OLFM2: variants seen among roughly 807,000 people sequenced by gnomAD.
The protein encoded by OLFM2 is noelin-2.
A neutral mutation model predicts 43.9 loss-of-function variants in OLFM2; 20 were observed. That is an observed-to-expected ratio of 0.46 (90% CI 0.32 to 0.66). The LOEUF is 0.66. Among genes scored for constraint, OLFM2 ranks in the 30% least tolerant of loss-of-function variants. The pLI is 0.04. For synonymous variants in OLFM2, 268 were observed against 278.6 expected (o/e 0.96, Z 0.38); for missense variants, 416 against 643.6 (o/e 0.65, Z 3.83).
At position 9,856,997 on chromosome 19, in the gene OLFM2, G is replaced by T. The variant is rs2046324386; in HGVS notation, c.581-84C>A. On this transcript the variant is annotated intron_variant, in intron 4 of 5. Coordinates refer to ENST00000264833, the MANE Select transcript of OLFM2 (RefSeq NM_058164.4). The surrounding 1 kb of genome is among the most constrained non-coding windows in gnomAD (Gnocchi z 4.0). ...GGCAAAGATGAAGTGCTGTGATCAA[G>T]TTGGGAAAGCTGGGACCAGGGATGA... is the stretch of plus-strand genomic sequence containing the variant. 8.4e-7 allele frequency: 1 copy of T among 1,196,826 alleles called. No individual in the cohort carries two copies. The highest frequency in any genetic ancestry group is 1.5e-5 in the African/African-American group (1 of 66,434). 74.1% of individuals were successfully genotyped at this position (1,196,826 alleles called of 1,614,324 possible). A position where few individuals can be genotyped will look rare whatever the true frequency, so the allele number is the denominator to read the frequency against.
chr19:9,913,692 T>C, intron 1 of OLFM2: 1 of 1,066,788 alleles, frequency 9.4e-7, no homozygotes, highest in East Asian at 7.4e-5. Context: ...GCTCGGTCCC[T>C]CGACACCCAG....
chr19:9,877,479 G>A (rs1319864862), intron 1 of OLFM2, among the ~76,000 whole-genome samples: 1 of 151,980 alleles, frequency 6.6e-6, no homozygotes, highest in Non-Finnish European at 1.5e-5. Context: ...GTTGCGGTGA[G>A]CCAAGATTGT....
chr19:9,858,513 T>G (rs2046341768), intron 2 of OLFM2, among the ~76,000 whole-genome samples: 1 of 152,176 alleles, frequency 6.6e-6, no homozygotes, highest in African/African-American at 2.4e-5. Flanking sequence ...TCTGCCTCCT[T>G]CAGGTGGGAC....
chr19:9,855,042 C>T (rs2046304695), intron 5 of OLFM2, among the ~76,000 whole-genome samples, 179 bp from the exon 6 acceptor site: 1 of 152,114 alleles, frequency 6.6e-6, no homozygotes, highest in Non-Finnish European at 1.5e-5. Flanking sequence ...CTGGTGACAG[C>T]ATTAACCATG....
intron 1 of OLFM2, among the ~76,000 whole-genome samples, chr19:9,876,039 C>G (rs2046484741): frequency 6.6e-6 from 1 of 152,004 alleles, no homozygotes; most frequent in African/African-American, 2.4e-5. Context: ...GAGGTCATCT[C>G]CCCGCCACCG....
At position 9,857,047 on chromosome 19, in the gene OLFM2, A is replaced by G; in HGVS notation, c.581-134T>C. The G allele has an allele frequency of 4.6e-6, 4 of 871,368 alleles. No homozygotes were observed. Among genetic ancestry groups the G allele is most frequent in the Non-Finnish European group, 7.4e-6 (4 of 543,540 alleles). The allele number at this position is 871,368 out of a possible 1,614,324, so 54.0% of individuals were successfully genotyped here. A position where few individuals can be genotyped will look rare whatever the true frequency, so the allele number is the denominator to read the frequency against. On this transcript the variant is annotated intron_variant, in intron 4 of 5. Coordinates refer to ENST00000264833, the MANE Select transcript of OLFM2 (RefSeq NM_058164.4). The surrounding 1 kb of genome is among the most constrained non-coding windows in gnomAD (Gnocchi z 5.7). ...AGGGAAGACTCAAAAATCTGGTCCC[A>G]ATATGTTGTTCAGTTGTGAGTGAGG...
intron 1 of OLFM2, among the ~76,000 whole-genome samples, chr19:9,893,532 C>CG (rs71188853): frequency 6.6e-6 from 1 of 152,122 alleles, no homozygotes; most frequent in Non-Finnish European, 1.5e-5. Flanking sequence ...GTGAACCCCC[C>CG]GTCTTGGAAC....
intron 1 of OLFM2, among the ~76,000 whole-genome samples, chr19:9,885,076 G>T (rs765753381): frequency 2.0e-5 from 3 of 152,150 alleles, no homozygotes; most frequent in African/African-American, 7.2e-5. Flanking sequence ...CATGGACCCT[G>T]GAGGCCGACA....
At chr19:9,876,194 C>T (rs2046486048) in intron 1 of OLFM2, among the ~76,000 whole-genome samples, 1 of 152,212 alleles carries the variant, frequency 6.6e-6, no homozygotes, top group Non-Finnish European at 1.5e-5. Context: ...AAATTTGCAG[C>T]CATCAGCGCC....
intron 1 of OLFM2, among the ~76,000 whole-genome samples, chr19:9,896,262 G>C (rs571414991): frequency 6.6e-6 from 1 of 151,392 alleles, no homozygotes; most frequent in African/African-American, 2.4e-5. Context: ...CACCACGCCC[G>C]ACTAATTTTT....
At chr19:9,917,238 A>G (rs1304670531) in intron 1 of OLFM2, among the ~76,000 whole-genome samples, 1 of 152,118 alleles carries the variant, frequency 6.6e-6, no homozygotes, top group African/African-American at 2.4e-5. Flanking sequence ...CAGTGGTTCA[A>G]TCATAGCTCA....
intron 1 of OLFM2, among the ~76,000 whole-genome samples, chr19:9,865,939 CAG>C (rs1485680566): frequency 1.3e-5 from 2 of 152,036 alleles, no homozygotes; most frequent in African/African-American, 2.4e-5. Flanking sequence ...ATCTTTTGTG[CAG>C]AGACAAAGCC....
In OLFM2 at chr19:9,860,671, G is replaced by T; in HGVS notation, c.187C>A (p.Arg63=). The T allele has an allele frequency of 6.3e-7, 1 of 1,594,724 alleles. No individual in the cohort carries two copies. Among genetic ancestry groups the T allele is most frequent in the Admixed American group, 1.7e-5 (1 of 57,176 alleles). Residue 63 remains arginine (R), a synonymous_variant, in exon 2 of 6, where the codon CGG becomes AGG. Transcript: ENST00000264833. ...TTCTCCATCAGTTGCCGCAGCTCCC[G>T]ACTCCTGCCATCTCGAGAGCAGGTA... is the stretch of plus-strand genomic sequence containing the variant. ...QSTCSRDGRS[R]ELRQLMEKVQ...
intron 1 of OLFM2, among the ~76,000 whole-genome samples, chr19:9,910,829 A>C (rs1421514208): frequency 1.3e-5 from 2 of 152,142 alleles, no homozygotes; most frequent in Admixed American, 1.3e-4. Context: ...GAAAGGATGG[A>C]TGTACAGATG....
chr19:9,874,328 CT>C lies in OLFM2; in HGVS notation c.64-13535del, dbSNP rs35985373. ...GAGTTTTGGAGAATGCCCCACTGGC[CT>C]TTTTTTTTTTTTTTTTAAGAGAGAT... On this transcript the variant is annotated intron_variant, in intron 1 of 5. Coordinates refer to ENST00000264833, the MANE Select transcript of OLFM2 (RefSeq NM_058164.4). Among the ~76,000 whole-genome samples, 5 of 120,218 alleles carry C rather than the reference CT, an allele frequency of 4.2e-5. No homozygotes were observed. In the East Asian group the frequency reaches 7.2e-4, roughly 17 times the overall value. 78.9% of individuals were successfully genotyped at this position (120,218 alleles called of 152,430 possible).
At chr19:9,887,464 C>T (rs1166847335) in intron 1 of OLFM2, among the ~76,000 whole-genome samples, 1 of 152,186 alleles carries the variant, frequency 6.6e-6, no homozygotes, top group African/African-American at 2.4e-5. Context: ...CAGGCATGAA[C>T]CACCGCACCG....
At chr19:9,898,771 C>G (rs1177579231) in intron 1 of OLFM2, among the ~76,000 whole-genome samples, 1 of 152,170 alleles carries the variant, frequency 6.6e-6, no homozygotes, top group Non-Finnish European at 1.5e-5. Context: ...GATCCATCAG[C>G]AAGTGCTGAC....
At chr19:9,914,136 A>G (rs113116532) in intron 1 of OLFM2, among the ~76,000 whole-genome samples, 1 of 150,046 alleles carries the variant, frequency 6.7e-6, no homozygotes, top group Non-Finnish European at 1.5e-5. Flanking sequence ...CCGCACGCAG[A>G]CCCTCTTCGA....
At chr19:9,902,535 A>G (rs1342332701) in intron 1 of OLFM2, among the ~76,000 whole-genome samples, 2 of 151,854 alleles carry the variant, frequency 1.3e-5, no homozygotes, top group Non-Finnish European at 2.9e-5. Flanking sequence ...GGAACCCACC[A>G]CTGTGCCTGG....
Sources: gnomAD v4.1 joint callset for allele counts (sites outside exome capture counted in the v4.1 genomes callset) on GRCh38, gnomAD v4.1.1 for gene constraint, Gnocchi (gnomAD v3.1) non-coding constraint, MANE v1.5 for transcripts, NCBI Gene and HGNC (gene_info 2026-07-23, HGNC 2026-07-21) for gene names.